Variants in AK2 observed in about 807,000 individuals in gnomAD.
AK2 encodes the protein adenylate kinase 2, mitochondrial.
In AK2, 15 loss-of-function variants were observed where a neutral mutation model predicts 24.6. The ratio of observed to expected loss-of-function variants is 0.61; its 90% CI spans 0.41 to 0.94. AK2 has a LOEUF of 0.94. Among genes scored for constraint, AK2 ranks in the 40% least tolerant of loss-of-function variants. The probability of loss-of-function intolerance (pLI) is 0.00; values close to 1 mark genes in which losing one functional copy is unlikely to be tolerated. For synonymous variants in AK2, 102 were observed against 114.0 expected, an observed-to-expected ratio of 0.90 and a Z score of 0.67; for missense variants, 257 against 304.1, an observed-to-expected ratio of 0.85 and a Z score of 1.15.
chr1:33,031,432 T>A, intron 1 of AK2: 1 of 361,350 alleles, frequency 2.8e-6, no homozygotes, highest in Non-Finnish European at 5.5e-6. Flanking sequence ...TTAAATCAGA[T>A]GATACATGTA....
chr1:33,010,849 A>G lies in AK2; in HGVS notation c.*2332T>C. ...TGATACTAGGCTGAAATAGAGAGGA[A>G]ACAAGAGAGAACAAAATGGGTTTTT... On this transcript the variant is annotated 3_prime_UTR_variant, in exon 6 of 6. Transcript: ENST00000672715. The G allele has an allele frequency of 1.2e-6, 2 of 1,614,202 alleles. No homozygotes were observed. The highest frequency in any genetic ancestry group is 1.7e-6 in the Non-Finnish European group (2 of 1,180,032).
At position 33,008,165 on chromosome 1, in the gene AK2, T is replaced by C. The variant is rs1451046224; in HGVS notation, c.*5016A>G. 1 of 454,230 alleles carries C rather than the reference T, an allele frequency of 2.2e-6. No homozygotes were observed. The allele number at this position is 454,230 out of a possible 1,614,324, so 28.1% of individuals were successfully genotyped here. A position where few individuals can be genotyped will look rare whatever the true frequency, so the allele number is the denominator to read the frequency against. On this transcript the variant is annotated 3_prime_UTR_variant, in exon 6 of 6. Coordinates refer to ENST00000672715, the MANE Select transcript of AK2 (RefSeq NM_001625.4). ...CCCTCTGAATTCCATCTGTGTTTAC[T>C]AAGCATCTGCTGTGTCCTGGGCAGT... is the stretch of plus-strand genomic sequence containing the variant.
intron 4 of AK2, 54 bp from the exon 5 acceptor site, chr1:33,014,648 C>G: frequency 6.8e-7 from 1 of 1,473,182 alleles, no homozygotes; most frequent in Non-Finnish European, 9.5e-7. Context: ...CGCGCCTGCA[C>G]TCCACTCTAG....
intron 4 of AK2, among the ~76,000 whole-genome samples, chr1:33,018,297 TG>T (rs1461328911): frequency 1.3e-5 from 2 of 152,164 alleles, no homozygotes; most frequent in African/African-American, 4.8e-5. Flanking sequence ...ATTGTTACAA[TG>T]GGTCCATATC....
Position 33,012,927 on chromosome 1 carries a change from T to C in AK2, c.*254A>G. ...CAACAACAAAAAAGAAGTAAACAGC[T>C]GGTAAAGCAACCTAGCCTAAAACTT... On this transcript the variant is annotated 3_prime_UTR_variant, in exon 6 of 6. Coordinates refer to ENST00000672715, the MANE Select transcript of AK2 (RefSeq NM_001625.4). 1.4e-6 allele frequency: 2 copies of C among 1,470,978 alleles called. No homozygotes were observed. The highest frequency in any genetic ancestry group is 1.8e-6 in the Non-Finnish European group (2 of 1,104,602). 91.1% of individuals were successfully genotyped at this position (1,470,978 alleles called of 1,614,324 possible). A position where few individuals can be genotyped will look rare whatever the true frequency, so the allele number is the denominator to read the frequency against.
chr1:33,012,869 G>T lies in AK2; in HGVS notation c.*312C>A. ...GCCAAGATCACGCCACTGCACTCCAGCCAGGGTGGCAGAGCGAAACCTTGT... is the reference window on the plus strand; with the variant it reads ...GCCAAGATCACGCCACTGCACTCCATCCAGGGTGGCAGAGCGAAACCTTGT... On this transcript the variant is annotated 3_prime_UTR_variant, in exon 6 of 6. Transcript: ENST00000672715. 1 of 1,318,748 alleles carries T rather than the reference G, an allele frequency of 7.6e-7. No individual in the cohort carries two copies. Among genetic ancestry groups the T allele is most frequent in the Non-Finnish European group, 9.9e-7 (1 of 1,008,978 alleles). The allele number at this position is 1,318,748 out of a possible 1,614,324, so 81.7% of individuals were successfully genotyped here.
In AK2 at chr1:33,011,517, A is replaced by T. The variant is rs887528152; in HGVS notation, c.*1664T>A. ...CCAGTTGCCATGTGGACAGCAGATA[A>T]GACCTCTGGTAGTCTCACAGATGGC... On this transcript the variant is annotated 3_prime_UTR_variant, in exon 6 of 6. Transcript: ENST00000672715. 3.9e-6 allele frequency: 5 copies of T among 1,287,494 alleles called. No individual in the cohort carries two copies. Among genetic ancestry groups the T allele is most frequent in the Admixed American group, 4.6e-5 (2 of 43,564 alleles). 79.8% of individuals were successfully genotyped at this position (1,287,494 alleles called of 1,614,324 possible). A position where few individuals can be genotyped will look rare whatever the true frequency, so the allele number is the denominator to read the frequency against.
intron 1 of AK2, among the ~76,000 whole-genome samples, chr1:33,030,120 C>T (rs558225795): frequency 6.6e-6 from 1 of 152,382 alleles, no homozygotes; most frequent in African/African-American, 2.4e-5. Context: ...CCACTGCAGA[C>T]AAACTGCTCT....
Position 33,022,346 on chromosome 1 carries a change from CCTCA to C in AK2, c.220-647_220-644del, listed in dbSNP as rs1262928428. On this transcript the variant is annotated intron_variant, in intron 2 of 5. Coordinates refer to ENST00000672715, the MANE Select transcript of AK2 (RefSeq NM_001625.4). ...CTGAAGAGCCAAGCCAACACTCTTCCCTCACTTTTTTTTTTTTTTTTTTTTTTTT... is the reference window on the plus strand; with the variant it reads ...CTGAAGAGCCAAGCCAACACTCTTCCCTTTTTTTTTTTTTTTTTTTTTTTT... Among the ~76,000 whole-genome samples the C allele has an allele frequency of 7.3e-5, 11 of 150,924 alleles. No individual in the cohort carries two copies. The East Asian group carries it at 1.9e-3, about 27-fold the overall frequency.
At chr1:33,013,931 C>T (rs1187736470) in intron 5 of AK2, among the ~76,000 whole-genome samples, 1 of 152,140 alleles carries the variant, frequency 6.6e-6, no homozygotes, top group Non-Finnish European at 1.5e-5. Flanking sequence ...GCCATAACGG[C>T]TCTGGAACCT....
In AK2 at chr1:33,008,338, G is replaced by C. The variant is rs1407724042; in HGVS notation, c.*4843C>G. Reference sequence around the variant, plus strand: ...AATCTGTCTTCTGACTCGTTGCTCTGTCTTCATCTGAGGAAAGACTTGTGA... The same window carrying C: ...AATCTGTCTTCTGACTCGTTGCTCTCTCTTCATCTGAGGAAAGACTTGTGA... On this transcript the variant is annotated 3_prime_UTR_variant, in exon 6 of 6. Coordinates refer to ENST00000672715, the MANE Select transcript of AK2 (RefSeq NM_001625.4). 2 of 453,958 alleles carry C rather than the reference G, an allele frequency of 4.4e-6. No individual in the cohort carries two copies. The highest frequency in any genetic ancestry group is 4.0e-5 in the African/African-American group (2 of 49,990). 28.1% of individuals were successfully genotyped at this position (453,958 alleles called of 1,614,324 possible). A position where few individuals can be genotyped will look rare whatever the true frequency, so the allele number is the denominator to read the frequency against.
At chr1:33,027,252 GTTGAAA>G (rs1229633415) in intron 1 of AK2, among the ~76,000 whole-genome samples, 3 of 152,234 alleles carry the variant, frequency 2.0e-5, no homozygotes, top group Admixed American at 2.0e-4. Context: ...TCTCATTGCT[GTTGAAA>G]TTAACCTGGG....
At chr1:33,020,356 C>A (rs1399821285) in intron 4 of AK2, among the ~76,000 whole-genome samples, 2 of 152,160 alleles carry the variant, frequency 1.3e-5, no homozygotes, top group Non-Finnish European at 2.9e-5. Context: ...ATTTAAGGAG[C>A]ACTAAAATGG....
At chr1:33,018,105 A>G (rs1639308781) in intron 4 of AK2, among the ~76,000 whole-genome samples, 1 of 152,194 alleles carries the variant, frequency 6.6e-6, no homozygotes, top group African/African-American at 2.4e-5. Flanking sequence ...CTCATCCACA[A>G]AATTGGGATG....
rs746722059 is a variant in AK2, at chr1:33,024,583, C to G, written c.94-16G>C. ...ATCTGGGTGCCTACAGAGAGGAAGA[C>G]AAAAACCAAGATTCAATTACATTAC... On this transcript the variant is annotated splice_polypyrimidine_tract_variant and intron_variant, in intron 1 of 5. Transcript: ENST00000672715. 1.9e-6 allele frequency: 3 copies of G among 1,614,126 alleles called. No homozygotes were observed. Among genetic ancestry groups the G allele is most frequent in the East Asian group, 4.5e-5 (2 of 44,884 alleles).
At chr1:33,018,205 C>T (rs941923839) in intron 4 of AK2, among the ~76,000 whole-genome samples, 1 of 152,106 alleles carries the variant, frequency 6.6e-6, no homozygotes, top group African/African-American at 2.4e-5. Flanking sequence ...AAAACAAAAA[C>T]CACAACCACC....
At chr1:33,035,103 G>GA (rs2124396294) in intron 1 of AK2, among the ~76,000 whole-genome samples, 1 of 152,308 alleles carries the variant, frequency 6.6e-6, no homozygotes, top group African/African-American at 2.4e-5. Flanking sequence ...AAAGTCTGCA[G>GA]AGTCTAAGAT....
At chr1:33,013,859 T>C (rs941154665) in intron 5 of AK2, among the ~76,000 whole-genome samples, 5 of 152,212 alleles carry the variant, frequency 3.3e-5, no homozygotes, top group African/African-American at 1.2e-4. Flanking sequence ...ATTCTAAAAG[T>C]GGCAAGTAAA....
chr1:33,027,157 A>T (rs902312646), intron 1 of AK2, among the ~76,000 whole-genome samples: 1 of 152,186 alleles, frequency 6.6e-6, no homozygotes, highest in African/African-American at 2.4e-5. Context: ...TACTTTGCAA[A>T]ATCAGTGAAT....
Sources: gnomAD v4.1 joint callset for allele counts (sites outside exome capture counted in the v4.1 genomes callset) on GRCh38, gnomAD v4.1.1 for gene constraint, MANE v1.5 for transcripts, NCBI Gene and HGNC (gene_info 2026-07-23, HGNC 2026-07-21) for gene names.